Variants in KCNB2 observed in about 807,000 individuals in gnomAD.
KCNB2 encodes delayed rectifier potassium channel protein.
A neutral mutation model predicts 61.5 loss-of-function variants in KCNB2; 15 were observed. The ratio of observed to expected loss-of-function variants is 0.24; its 90% CI spans 0.16 to 0.38. The LOEUF (loss-of-function observed/expected upper bound fraction) is 0.38. KCNB2 is among the 10% of genes least tolerant of loss of function. KCNB2 has a pLI of 1.00. For missense variants in KCNB2, 828 were observed against 1,125.2 expected, an observed-to-expected ratio of 0.74 and a Z score of 3.78; for synonymous variants, 457 against 446.0, an observed-to-expected ratio of 1.02 and a Z score of -0.31.
At chr8:72,886,786 C>T (rs976034732) in intron 2 of KCNB2, among the ~76,000 whole-genome samples, 3 of 152,374 alleles carry the variant, frequency 2.0e-5, no homozygotes, top group East Asian at 3.9e-4. Flanking sequence ...CTTCTTGCAT[C>T]GCAGTGGCAG....
chr8:72,694,771 C>T (rs185757194), intron 2 of KCNB2, among the ~76,000 whole-genome samples: 1 of 151,608 alleles, frequency 6.6e-6, no homozygotes, highest in Non-Finnish European at 1.5e-5. Flanking sequence ...ATCTGTATGG[C>T]CATCTTTTTC....
At chr8:72,812,812 A>G (rs1809327544) in intron 2 of KCNB2, among the ~76,000 whole-genome samples, 1 of 152,284 alleles carries the variant, frequency 6.6e-6, no homozygotes, top group Middle Eastern at 3.4e-3. Flanking sequence ...GTATTTTTAC[A>G]TTGATATGCA....
intron 2 of KCNB2, chr8:72,619,002 T>G (rs1805664361): frequency 3.1e-6 from 1 of 323,930 alleles, no homozygotes; most frequent in East Asian, 8.2e-5. Flanking sequence ...TGACTTTGTT[T>G]TTAGAACATC....
rs886917291 is a variant in KCNB2 at position 72,725,597 on chromosome 8, A to G, written c.579+157284A>G. Among the ~76,000 whole-genome samples the G allele has an allele frequency of 3.8e-3, 194 of 50,770 alleles. 1 individual carries two copies. Among genetic ancestry groups the G allele is most frequent in the African/African-American group, 7.9e-3 (150 of 18,984 alleles). 33.3% of individuals were successfully genotyped at this position (50,770 alleles called of 152,430 possible). ...TATGTATATATATATGTATGTATAT[A>G]TATATATATATATATATATATATAT... On this transcript the variant is annotated intron_variant, in intron 2 of 2. Transcript: ENST00000523207.
intron 2 of KCNB2, among the ~76,000 whole-genome samples, chr8:72,891,283 C>A (rs1346145914): frequency 6.6e-6 from 1 of 152,188 alleles, no homozygotes; most frequent in Non-Finnish European, 1.5e-5. Context: ...ATGGTAGAAG[C>A]AGCCCAGATT....
intron 2 of KCNB2, among the ~76,000 whole-genome samples, chr8:72,656,768 T>C (rs549731077): frequency 1.3e-5 from 2 of 152,280 alleles, no homozygotes; most frequent in Admixed American, 1.3e-4. Flanking sequence ...TCTCCCTGTA[T>C]AGAAACAATA....
intron 2 of KCNB2, among the ~76,000 whole-genome samples, chr8:72,770,140 C>T (rs1171098788): frequency 6.6e-6 from 1 of 152,222 alleles, no homozygotes; most frequent in East Asian, 1.9e-4. Context: ...CAGAAATCCA[C>T]AGCTTATGCC....
intron 2 of KCNB2, chr8:72,619,332 A>G: frequency 1.7e-6 from 1 of 600,280 alleles, no homozygotes. Flanking sequence ...CTCCATGAGA[A>G]GGTCTTGAAG....
rs551821929 is a variant in KCNB2 at position 72,715,988 on chromosome 8, C to T, written c.579+147675C>T. Among the ~76,000 whole-genome samples, 138 of 152,120 alleles carry T rather than the reference C, an allele frequency of 9.1e-4. 1 individual carries two copies. The highest frequency in any genetic ancestry group is 3.1e-3 in the South Asian group (15 of 4,810). Reference sequence around the variant, plus strand: ...AAAATGACAAAGGGGATATCACCACCGATCCCACAGAAATACAAACTACCA... The same window carrying T: ...AAAATGACAAAGGGGATATCACCACTGATCCCACAGAAATACAAACTACCA... On this transcript the variant is annotated intron_variant, in intron 2 of 2. Coordinates refer to ENST00000523207, the MANE Select transcript of KCNB2 (RefSeq NM_004770.3).
chr8:72,626,546 T>C (rs892651012), intron 2 of KCNB2, among the ~76,000 whole-genome samples: 1 of 152,174 alleles, frequency 6.6e-6, no homozygotes, highest in Admixed American at 6.5e-5. Context: ...GTTAATAACA[T>C]GTGTTGAGCA....
At chr8:72,710,221 C>T (rs1388381876) in intron 2 of KCNB2, among the ~76,000 whole-genome samples, 1 of 152,166 alleles carries the variant, frequency 6.6e-6, no homozygotes, top group African/African-American at 2.4e-5. Flanking sequence ...TTCTCAGAGA[C>T]CCTAACACAA....
At chr8:72,676,746 C>A (rs1286034029) in intron 2 of KCNB2, among the ~76,000 whole-genome samples, 1 of 152,068 alleles carries the variant, frequency 6.6e-6, no homozygotes, top group African/African-American at 2.4e-5. Flanking sequence ...GGTTAACTTT[C>A]CAATGCTGTT....
intron 2 of KCNB2, among the ~76,000 whole-genome samples, chr8:72,661,717 G>C (rs1051142250): frequency 1.6e-4 from 24 of 152,138 alleles, no homozygotes; most frequent in African/African-American, 5.6e-4. Context: ...TTTAGTTGCA[G>C]CTACTTAAAA....
intron 2 of KCNB2, among the ~76,000 whole-genome samples, chr8:72,590,890 A>G (rs772250829): frequency 6.6e-5 from 10 of 152,192 alleles, no homozygotes; most frequent in African/African-American, 1.4e-4. Flanking sequence ...ACAGCTAAGC[A>G]TAGTATTACC....
intron 2 of KCNB2, among the ~76,000 whole-genome samples, chr8:72,888,787 C>A (rs1357033789): frequency 6.6e-6 from 1 of 152,100 alleles, no homozygotes; most frequent in Admixed American, 6.6e-5. Flanking sequence ...CAGTCTCTCT[C>A]CTTCATAATT....
At chr8:72,766,116 C>G (rs896702752) in intron 2 of KCNB2, among the ~76,000 whole-genome samples, 16 of 152,144 alleles carry the variant, frequency 1.1e-4, no homozygotes, top group Non-Finnish European at 2.4e-4. Flanking sequence ...GATGAACAAG[C>G]TTCCTAGGGA....
At chr8:72,735,043 T>C (rs535757431) in intron 2 of KCNB2, among the ~76,000 whole-genome samples, 32 of 152,268 alleles carry the variant, frequency 2.1e-4, no homozygotes, top group African/African-American at 7.0e-4. Context: ...TGGTTTATAA[T>C]GGAAAGCAGG....
chr8:72,677,376 T>A (rs1388751422), intron 2 of KCNB2, among the ~76,000 whole-genome samples: 5 of 152,196 alleles, frequency 3.3e-5, no homozygotes, highest in African/African-American at 1.2e-4. Flanking sequence ...CAAGCCATTG[T>A]CTTCTCGATC....
At chr8:72,579,327 T>C (rs921855710) in intron 2 of KCNB2, among the ~76,000 whole-genome samples, 4 of 152,216 alleles carry the variant, frequency 2.6e-5, no homozygotes, top group Admixed American at 2.6e-4. Context: ...CATGAGTTGA[T>C]GTCTACTTAA....
Sources: allele counts gnomAD v4.1 joint callset (sites outside exome capture counted in the v4.1 genomes callset), GRCh38; gene constraint gnomAD v4.1.1; transcripts MANE v1.5; gene names NCBI Gene and HGNC (gene_info 2026-07-23, HGNC 2026-07-21).